The following NAALADL2 variants were observed in gnomAD, a reference collection of about 807,000 sequenced individuals.
The protein encoded by NAALADL2 is N-acetylated alpha-linked acidic dipeptidase like 2.
A neutral mutation model predicts 87.2 loss-of-function variants in NAALADL2; 76 were observed. The ratio of observed to expected loss-of-function variants is 0.87; its 90% CI spans 0.72 to 1.05. The LOEUF is 1.05. NAALADL2 is among the 50% of genes least tolerant of loss of function. The pLI is 0.00. For synonymous variants in NAALADL2, 354 were observed against 331.0 expected (o/e 1.07, Z -0.75); for missense variants, 1,089 against 945.8 (o/e 1.15, Z -1.99).
intron 2 of NAALADL2, among the ~76,000 whole-genome samples, chr3:175,138,986 T>G (rs1485937532): frequency 8.1e-5 from 12 of 148,466 alleles, no homozygotes; most frequent in Non-Finnish European, 1.8e-4. Context: ...TTTCAAGAGT[T>G]GCAAAAATTA....
intron 1 of NAALADL2, among the ~76,000 whole-genome samples, chr3:174,926,285 G>T (rs994460364): frequency 1.3e-5 from 2 of 152,114 alleles, no homozygotes; most frequent in African/African-American, 4.8e-5. Context: ...AAACACTGCA[G>T]GGTATTATCC....
chr3:174,711,650 C>T (rs761806548), intron 2 of NAALADL2, among the ~76,000 whole-genome samples: 17 of 152,040 alleles, frequency 1.1e-4, no homozygotes, highest in Non-Finnish European at 2.4e-4. Flanking sequence ...AAATTATAGG[C>T]CATTTAGTTT....
intron 9 of NAALADL2, among the ~76,000 whole-genome samples, chr3:175,499,281 A>G (rs888123649): frequency 4.6e-5 from 7 of 152,148 alleles, no homozygotes; most frequent in Admixed American, 3.3e-4. Context: ...CATGCTACTA[A>G]TAAAACTAAT....
At chr3:175,143,777 T>C (rs1354272441) in intron 2 of NAALADL2, among the ~76,000 whole-genome samples, 1 of 151,960 alleles carries the variant, frequency 6.6e-6, no homozygotes, top group Non-Finnish European at 1.5e-5. Context: ...TTCTTTTTTC[T>C]TTAATGATGT....
At chr3:174,864,944 A>T (rs1305309133) in intron 1 of NAALADL2, among the ~76,000 whole-genome samples, 1 of 152,082 alleles carries the variant, frequency 6.6e-6, no homozygotes, top group Non-Finnish European at 1.5e-5. Flanking sequence ...ATGACAATAC[A>T]CAAAAGGGCA....
intron 2 of NAALADL2, among the ~76,000 whole-genome samples, chr3:175,106,844 A>G (rs1723243003): frequency 6.6e-6 from 1 of 152,106 alleles, no homozygotes; most frequent in South Asian, 2.1e-4. Flanking sequence ...TTAATTCCAT[A>G]ATCTCATAGG....
chr3:174,928,379 A>G (rs546050681), intron 1 of NAALADL2, among the ~76,000 whole-genome samples: 1 of 152,244 alleles, frequency 6.6e-6, no homozygotes, highest in East Asian at 1.9e-4. Context: ...ACCTGGGATT[A>G]CAGGCACCTA....
Position 175,718,195 on chromosome 3 carries a change from G to GT in NAALADL2, c.1897-19083dup, listed in dbSNP as rs1244400650. The GT allele has an allele frequency of 3.9e-3, 3,219 of 823,260 alleles. 387 individuals carry two copies. The highest frequency in any genetic ancestry group is 0.015 in the African/African-American group (479 of 31,580). 51.0% of individuals were successfully genotyped at this position (823,260 alleles called of 1,614,324 possible). On this transcript the variant is annotated intron_variant, in intron 11 of 13. Transcript: ENST00000454872. ...TGGAGGGGAAGGGGAAGGGCCTGTGGTTTTTTTTTTTTTTTTTTTTTTTTT... is the reference window on the plus strand; with the variant it reads ...TGGAGGGGAAGGGGAAGGGCCTGTGGTTTTTTTTTTTTTTTTTTTTTTTTTT...
intron 11 of NAALADL2, among the ~76,000 whole-genome samples, chr3:175,690,265 A>C (rs1736866420): frequency 6.6e-6 from 1 of 152,028 alleles, no homozygotes; most frequent in South Asian, 2.1e-4. Context: ...GCCTTTAGAG[A>C]GATAAAAAGG....
intron 1 of NAALADL2, among the ~76,000 whole-genome samples, chr3:174,987,820 A>ATATATAATTT (rs1746168850): frequency 2.9e-5 from 4 of 140,224 alleles, no homozygotes; most frequent in African/African-American, 1.1e-4. Context: ...AATTATATAT[A>ATATATAATTT]TATATATAAT....
intron 1 of NAALADL2, among the ~76,000 whole-genome samples, chr3:174,878,981 G>A (rs139204679): frequency 6.6e-4 from 101 of 152,074 alleles, no homozygotes; most frequent in Admixed American, 1.5e-3. Context: ...TTCAATCTCA[G>A]TACGCATATT....
At chr3:175,553,379 C>A (rs546926418) in intron 9 of NAALADL2, among the ~76,000 whole-genome samples, 50 of 152,060 alleles carry the variant, frequency 3.3e-4, no homozygotes, top group Admixed American at 1.1e-3. Context: ...AAGTTTCTCC[C>A]AAAATATTTT....
chr3:174,725,524 A>G (rs1732097979), intron 2 of NAALADL2, among the ~76,000 whole-genome samples: 1 of 152,196 alleles, frequency 6.6e-6, no homozygotes, highest in African/African-American at 2.4e-5. Context: ...ACCTGAAATT[A>G]CTTTTATAAA....
intron 9 of NAALADL2, among the ~76,000 whole-genome samples, chr3:175,562,838 A>G (rs1716486566): frequency 6.6e-6 from 1 of 152,056 alleles, no homozygotes; most frequent in South Asian, 2.1e-4. Context: ...TATAAAGGGA[A>G]TATAATATTG....
chr3:175,772,994 ATTG>A (rs1360674680), intron 13 of NAALADL2, among the ~76,000 whole-genome samples: 1 of 152,108 alleles, frequency 6.6e-6, no homozygotes, highest in Non-Finnish European at 1.5e-5. Flanking sequence ...GGTTTGTGTT[ATTG>A]TTCTTTTCAG....
intron 2 of NAALADL2, among the ~76,000 whole-genome samples, chr3:175,144,367 A>T (rs1462860265): frequency 1.3e-5 from 2 of 151,990 alleles, no homozygotes; most frequent in Admixed American, 6.6e-5. Context: ...GATTGATTGG[A>T]AAACAGGAAT....
intron 3 of NAALADL2, among the ~76,000 whole-genome samples, chr3:174,844,593 C>T (rs1233636157): frequency 6.6e-6 from 1 of 151,890 alleles, no homozygotes; most frequent in African/African-American, 2.4e-5. Flanking sequence ...TTGCAATTGG[C>T]ATTATAACAA....
intron 1 of NAALADL2, among the ~76,000 whole-genome samples, chr3:174,950,719 T>C (rs1410555566): frequency 6.6e-6 from 1 of 152,138 alleles, no homozygotes; most frequent in African/African-American, 2.4e-5. Context: ...CATGCCACTA[T>C]AAAAGGCTAG....
chr3:174,961,619 A>G (rs1240384753), intron 1 of NAALADL2, among the ~76,000 whole-genome samples: 2 of 151,940 alleles, frequency 1.3e-5, no homozygotes, highest in African/African-American at 2.4e-5. Context: ...AACTGAGGGG[A>G]AAAGAGATTA....
Sources: allele counts gnomAD v4.1 joint callset (sites outside exome capture counted in the v4.1 genomes callset), GRCh38; gene constraint gnomAD v4.1.1; transcripts MANE v1.5; gene names NCBI Gene and HGNC (gene_info 2026-07-23, HGNC 2026-07-21).